Variants in MAP7 observed in about 807,000 individuals in gnomAD.
MAP7 encodes the protein microtubule associated protein 7.
In MAP7, 52 loss-of-function variants were observed where a neutral mutation model predicts 94.8. The observed-to-expected ratio is 0.55, with a 90% CI of 0.44 to 0.69. MAP7 has a LOEUF of 0.69. Among genes scored for constraint, MAP7 ranks in the 30% least tolerant of loss-of-function variants. The probability of loss-of-function intolerance (pLI) is 0.00; values close to 1 mark genes in which losing one functional copy is unlikely to be tolerated. For synonymous variants in MAP7, 350 were observed against 357.0 expected, an observed-to-expected ratio of 0.98 and a Z score of 0.22; for missense variants, 940 against 964.6, an observed-to-expected ratio of 0.97 and a Z score of 0.34.
At position 136,375,948 on chromosome 6, in the gene MAP7, A is replaced by G. The variant is rs115162747; in HGVS notation, c.751+1807T>C. Among the ~76,000 whole-genome samples the G allele has an allele frequency of 3.4e-3, 518 of 152,276 alleles. 3 individuals carry two copies. Among genetic ancestry groups the G allele is most frequent in the African/African-American group, 0.012 (483 of 41,552 alleles). ...CAGTATTGGAAAAGACTAGAGGGAG[A>G]GTGAAAGAAGTGACAAGAGTTAGTG... On this transcript the variant is annotated intron_variant, in intron 7 of 17. Coordinates refer to ENST00000354570, the MANE Select transcript of MAP7 (RefSeq NM_003980.6).
intron 1 of MAP7, among the ~76,000 whole-genome samples, chr6:136,488,184 TTC>T (rs1447858518): frequency 6.6e-6 from 1 of 152,214 alleles, no homozygotes; most frequent in African/African-American, 2.4e-5. Flanking sequence ...AAGTGTTAAC[TTC>T]TCTCACATTT....
intron 1 of MAP7, among the ~76,000 whole-genome samples, chr6:136,433,076 C>G (rs1795413519): frequency 6.6e-6 from 1 of 151,800 alleles, no homozygotes; most frequent in Non-Finnish European, 1.5e-5. Flanking sequence ...TTAGGAAATT[C>G]AAAAAAGTAC....
chr6:136,417,201 C>T (rs1026833086), intron 2 of MAP7, among the ~76,000 whole-genome samples: 1 of 152,112 alleles, frequency 6.6e-6, no homozygotes, highest in Admixed American at 6.5e-5. Context: ...TACTGATTCT[C>T]ACAAGGAAAA....
At chr6:136,466,865 G>A (rs1807289433) in intron 1 of MAP7, 1 of 1,530,566 alleles carries the variant, frequency 6.5e-7, no homozygotes, top group Admixed American at 2.0e-5. Flanking sequence ...GCCAGGCAAA[G>A]ACCAAATATC....
intron 8 of MAP7, among the ~76,000 whole-genome samples, chr6:136,368,132 G>A (rs1410032833): frequency 6.6e-6 from 1 of 151,922 alleles, no homozygotes; most frequent in Non-Finnish European, 1.5e-5. Flanking sequence ...TCACCTAGGG[G>A]TAGGTGAGCA....
intron 1 of MAP7, among the ~76,000 whole-genome samples, chr6:136,475,382 C>T (rs1295937527): frequency 1.3e-5 from 2 of 152,126 alleles, no homozygotes; most frequent in African/African-American, 4.8e-5. Context: ...ATTGAACATA[C>T]AGGAGAATTA....
intron 3 of MAP7, among the ~76,000 whole-genome samples, chr6:136,405,527 G>T (rs1010914368): frequency 3.3e-5 from 5 of 152,250 alleles, no homozygotes; most frequent in African/African-American, 1.2e-4. Flanking sequence ...GGCTGGAGGA[G>T]AGGGCAAAGG....
Position 136,361,037 on chromosome 6 carries a change from C to G in MAP7, c.1669G>C (p.Glu557Gln), listed in dbSNP as rs768611753. Residue 557 changes from glutamate (E) to glutamine (Q), a missense_variant, in exon 12 of 18, where the codon GAG becomes CAG. By Grantham distance (29) the Glu-to-Gln change is conservative. Transcript: ENST00000354570. ...QRQAEERALREREEAERAQRQ... is the reference protein window; with the variant it reads ...QRQAEERALRQREEAERAQRQ... ...TGGGCGCGCTCTGCCTCCTCCCGCT[C>G]GCGCAGCGCCCGCTCCTCCGCCTGC... 5 of 1,580,834 alleles carry G rather than the reference C, an allele frequency of 3.2e-6. No homozygotes were observed. Among genetic ancestry groups the G allele is most frequent in the Non-Finnish European group, 3.4e-6 (4 of 1,169,600 alleles).
At chr6:136,426,439 T>C (rs1268159385) in intron 1 of MAP7, among the ~76,000 whole-genome samples, 2 of 152,204 alleles carry the variant, frequency 1.3e-5, no homozygotes, top group Non-Finnish European at 2.9e-5. Flanking sequence ...TGCACATACA[T>C]GAAATTGCAA....
intron 1 of MAP7, among the ~76,000 whole-genome samples, chr6:136,531,816 C>A (rs1424187824): frequency 2.0e-5 from 3 of 151,840 alleles, no homozygotes; most frequent in Non-Finnish European, 4.4e-5. Flanking sequence ...CTGCAATAGT[C>A]CAGATGAAAG....
At chr6:136,442,549 C>A (rs1220820938) in intron 1 of MAP7, among the ~76,000 whole-genome samples, 1 of 152,140 alleles carries the variant, frequency 6.6e-6, no homozygotes, top group Non-Finnish European at 1.5e-5. Context: ...CCAGGTCCCA[C>A]CCAGACCCGC....
At chr6:136,498,906 TGAG>T (rs1819061847) in intron 1 of MAP7, among the ~76,000 whole-genome samples, 1 of 151,686 alleles carries the variant, frequency 6.6e-6, no homozygotes, top group Non-Finnish European at 1.5e-5. Context: ...TCCATTTCGC[TGAG>T]ATTTTTTGGG....
intron 2 of MAP7, among the ~76,000 whole-genome samples, chr6:136,416,697 T>C (rs1447569045): frequency 6.6e-6 from 1 of 152,064 alleles, no homozygotes; most frequent in Non-Finnish European, 1.5e-5. Flanking sequence ...TCCAAGCTAC[T>C]TGGGAGGCTG....
chr6:136,520,655 TG>T (rs369504690), intron 1 of MAP7, among the ~76,000 whole-genome samples: 49 of 152,270 alleles, frequency 3.2e-4, no homozygotes, highest in African/African-American at 1.0e-3. Flanking sequence ...ATGAGGAGGC[TG>T]GGAGCGAGAG....
intron 1 of MAP7, among the ~76,000 whole-genome samples, chr6:136,538,449 G>T (rs933389434): frequency 5.3e-5 from 8 of 152,068 alleles, no homozygotes; most frequent in Non-Finnish European, 1.2e-4. Context: ...ATGGCTTAAA[G>T]CAACATAACC....
intron 1 of MAP7, among the ~76,000 whole-genome samples, chr6:136,538,958 T>C (rs1352306632): frequency 6.6e-6 from 1 of 152,078 alleles, no homozygotes; most frequent in Non-Finnish European, 1.5e-5. Context: ...ATGCCTTTGA[T>C]CCCAGTGCCA....
At chr6:136,397,544 C>T (rs865840112) in intron 3 of MAP7, among the ~76,000 whole-genome samples, 15 of 150,552 alleles carry the variant, frequency 1.0e-4, no homozygotes, top group East Asian at 3.9e-4. Flanking sequence ...GCCCTAACCC[C>T]CAAGGTAAAT....
At chr6:136,357,496 G>GC (rs1791361348) in intron 15 of MAP7, among the ~76,000 whole-genome samples, 1 of 151,858 alleles carries the variant, frequency 6.6e-6, no homozygotes, top group African/African-American at 2.4e-5. Flanking sequence ...TCACCCCCTT[G>GC]CCCCCTGCTT....
Position 136,352,411 on chromosome 6 carries a change from A to C in MAP7, c.2015+4281T>G, listed in dbSNP as rs996550638. On this transcript the variant is annotated intron_variant, in intron 16 of 17. Transcript: ENST00000354570. ...GCCATGTTACTCAGGCTGGTCTCCA[A>C]CTGGGCTCAAGTGATCCACCTGCCT... Among the ~76,000 whole-genome samples, 5 of 152,210 alleles carry C rather than the reference A, an allele frequency of 3.3e-5. No individual in the cohort carries two copies. In the South Asian group the frequency reaches 1.0e-3, roughly 32 times the overall value.
Sources: gnomAD v4.1 joint callset for allele counts (sites outside exome capture counted in the v4.1 genomes callset) on GRCh38, gnomAD v4.1.1 for gene constraint, MANE v1.5 for transcripts, NCBI Gene and HGNC (gene_info 2026-07-23, HGNC 2026-07-21) for gene names.